TMEM117: variants seen among roughly 807,000 people sequenced by gnomAD.
The protein encoded by TMEM117 is transmembrane protein 117.
A neutral mutation model predicts 52.4 loss-of-function variants in TMEM117; 27 were observed. The observed-to-expected ratio is 0.51, with a 90% CI of 0.38 to 0.71. TMEM117 has a LOEUF of 0.71. Ranked by LOEUF, TMEM117 falls within the 30% of genes least tolerant of loss-of-function variation. The pLI is 0.00. For synonymous variants in TMEM117, 215 were observed against 206.3 expected (o/e 1.04, Z -0.36); for missense variants, 556 against 630.5 (o/e 0.88, Z 1.26).
intron 6 of TMEM117, among the ~76,000 whole-genome samples, chr12:44,349,027 C>T (rs919400134): frequency 3.9e-5 from 6 of 152,034 alleles, no homozygotes; most frequent in African/African-American, 1.4e-4. Flanking sequence ...AAAGCCTTTC[C>T]CAACCACAGT....
intron 3 of TMEM117, among the ~76,000 whole-genome samples, chr12:44,049,990 CT>C (rs1326145614): frequency 6.6e-6 from 1 of 152,128 alleles, no homozygotes; most frequent in Admixed American, 6.5e-5. Flanking sequence ...GTGTTTGATT[CT>C]GATTAGCCTG....
At position 44,376,574 on chromosome 12, in the gene TMEM117, TTA is replaced by T; in HGVS notation, c.769-19_769-18del. 1 of 1,585,384 alleles carries T rather than the reference TTA, an allele frequency of 6.3e-7. No individual in the cohort carries two copies. Among genetic ancestry groups the T allele is most frequent in the Non-Finnish European group, 8.6e-7 (1 of 1,169,106 alleles). On this transcript the variant is annotated intron_variant, in intron 6 of 7. Transcript: ENST00000266534. ...GGAATGAAACGAATCACAAATGTTT[TTA>T]TTTGATTTTCTCTGACAGGACTGGG...
chr12:44,041,377 A>G (rs556378182), intron 3 of TMEM117, among the ~76,000 whole-genome samples: 4 of 151,984 alleles, frequency 2.6e-5, no homozygotes, highest in Non-Finnish European at 5.9e-5. Context: ...AGCAATTTTC[A>G]TCAAATTTCA....
At chr12:43,989,117 C>A (rs1945896017) in intron 3 of TMEM117, among the ~76,000 whole-genome samples, 1 of 152,126 alleles carries the variant, frequency 6.6e-6, no homozygotes, top group Non-Finnish European at 1.5e-5. Flanking sequence ...TTTACTGACT[C>A]TTCTCCAAGT....
intron 3 of TMEM117, among the ~76,000 whole-genome samples, chr12:44,031,790 A>G (rs1361781065): frequency 6.6e-6 from 1 of 152,228 alleles, no homozygotes; most frequent in Non-Finnish European, 1.5e-5. Flanking sequence ...ATGGCAATGT[A>G]GTTATTTGCG....
At chr12:44,066,412 T>G (rs1273597200) in intron 3 of TMEM117, among the ~76,000 whole-genome samples, 1 of 152,190 alleles carries the variant, frequency 6.6e-6, no homozygotes, top group African/African-American at 2.4e-5. Flanking sequence ...GCTAAATGTT[T>G]TGGGTTACCT....
At chr12:43,877,889 A>AC (rs772573291) in intron 2 of TMEM117, among the ~76,000 whole-genome samples, 19 of 128,582 alleles carry the variant, frequency 1.5e-4, no homozygotes, top group Non-Finnish European at 3.0e-4. Flanking sequence ...TGTAAAAACA[A>AC]AACACACACA....
intron 3 of TMEM117, among the ~76,000 whole-genome samples, chr12:43,944,808 T>C (rs976477198): frequency 6.6e-6 from 1 of 152,078 alleles, no homozygotes; most frequent in African/African-American, 2.4e-5. Context: ...TTGTTATAAA[T>C]AGGTTGTTTT....
At chr12:43,970,968 C>T (rs1945575518) in intron 3 of TMEM117, among the ~76,000 whole-genome samples, 1 of 152,126 alleles carries the variant, frequency 6.6e-6, no homozygotes, top group Non-Finnish European at 1.5e-5. Context: ...CGGTATTCAA[C>T]CTGATAGTCT....
At chr12:44,192,747 G>C (rs1372208020) in intron 4 of TMEM117, among the ~76,000 whole-genome samples, 1 of 152,200 alleles carries the variant, frequency 6.6e-6, no homozygotes, top group East Asian at 1.9e-4. Context: ...GATCAGGCAT[G>C]ATTGTATTTA....
chr12:44,008,985 GT>G, intron 3 of TMEM117: 1 of 367,164 alleles, frequency 2.7e-6, no homozygotes, highest in Admixed American at 3.7e-5. Flanking sequence ...TAGGTCTTCT[GT>G]TTAGTGTGAA....
intron 2 of TMEM117, among the ~76,000 whole-genome samples, chr12:43,921,356 T>C (rs1944690625): frequency 6.6e-6 from 1 of 152,212 alleles, no homozygotes; most frequent in Non-Finnish European, 1.5e-5. Flanking sequence ...CAGTTTCCTT[T>C]ACATTTTTTT....
rs139757372 is a variant in TMEM117, at chr12:43,904,277, T to A, written c.278-39933T>A. Among the ~76,000 whole-genome samples the A allele has an allele frequency of 7.4e-4, 112 of 152,030 alleles. 2 individuals carry two copies. The East Asian group carries it at 0.02, about 27-fold the overall frequency. ...GTAATCCCAGAACTTTGTAGGCTGATGGGGGAGGATAGCTTGAGCCCAGGA... is the reference window on the plus strand; with the variant it reads ...GTAATCCCAGAACTTTGTAGGCTGAAGGGGGAGGATAGCTTGAGCCCAGGA... On this transcript the variant is annotated intron_variant, in intron 2 of 7. Transcript: ENST00000266534.
intron 2 of TMEM117, among the ~76,000 whole-genome samples, chr12:43,921,989 T>C (rs1296608469): frequency 6.6e-6 from 1 of 152,140 alleles, no homozygotes; most frequent in African/African-American, 2.4e-5. Flanking sequence ...TCCTGAACTC[T>C]ACCATAAAAG....
chr12:44,244,646 G>T (rs1308654214), intron 5 of TMEM117, among the ~76,000 whole-genome samples: 2 of 151,770 alleles, frequency 1.3e-5, no homozygotes, highest in African/African-American at 2.4e-5. Flanking sequence ...CCATTACACA[G>T]ATTGTTTTTT....
intron 6 of TMEM117, among the ~76,000 whole-genome samples, chr12:44,359,620 A>T (rs1951695645): frequency 6.6e-6 from 1 of 152,100 alleles, no homozygotes; most frequent in South Asian, 2.1e-4. Flanking sequence ...ATAACAATAG[A>T]TTGAAAATCT....
At chr12:44,132,625 A>G (rs1948432679) in intron 3 of TMEM117, among the ~76,000 whole-genome samples, 1 of 152,142 alleles carries the variant, frequency 6.6e-6, no homozygotes, top group South Asian at 2.1e-4. Flanking sequence ...TGAAACTATG[A>G]CCATCCCCGT....
At chr12:43,973,141 A>T (rs1945618115) in intron 3 of TMEM117, among the ~76,000 whole-genome samples, 2 of 152,148 alleles carry the variant, frequency 1.3e-5, no homozygotes, top group Admixed American at 6.5e-5. Flanking sequence ...CTAGGGTTTC[A>T]TGAAGAAAAA....
chr12:44,336,552 A>G (rs1232552264), intron 6 of TMEM117, among the ~76,000 whole-genome samples: 1 of 151,996 alleles, frequency 6.6e-6, no homozygotes, highest in Non-Finnish European at 1.5e-5. Context: ...ATGACATTTT[A>G]CTGATTTTTA....
Sources: allele counts gnomAD v4.1 joint callset (sites outside exome capture counted in the v4.1 genomes callset), GRCh38; gene constraint gnomAD v4.1.1; transcripts MANE v1.5; gene names NCBI Gene and HGNC (gene_info 2026-07-23, HGNC 2026-07-21).